The following NODAL variants were observed in gnomAD, a reference collection of about 807,000 sequenced individuals.
NODAL encodes the protein nodal homolog.
NODAL carries 12 observed loss-of-function variants against 34.0 expected under a neutral mutation model. The observed-to-expected ratio is 0.35, with a 90% CI of 0.23 to 0.57. The LOEUF is 0.57. Among genes scored for constraint, NODAL ranks in the 20% least tolerant of loss-of-function variants. NODAL has a pLI of 0.83. For missense variants in NODAL, 390 were observed against 444.2 expected (o/e 0.88, Z 1.10); for synonymous variants, 162 against 186.4 (o/e 0.87, Z 1.07).
chr10:70,440,416 G>C (rs754757678), intron 1 of NODAL, among the ~76,000 whole-genome samples: 1 of 152,330 alleles, frequency 6.6e-6, no homozygotes, highest in East Asian at 1.9e-4. Context: ...CTTCCGGAGA[G>C]GGTCACCGGC....
intron 1 of NODAL, among the ~76,000 whole-genome samples, chr10:70,440,643 C>T (rs1428813506): frequency 6.6e-6 from 1 of 152,226 alleles, no homozygotes; most frequent in African/African-American, 2.4e-5. Context: ...CCGCAGCACC[C>T]ACCTGCTCGC....
At chr10:70,443,464 G>A (rs1006031490), upstream of NODAL, among the ~76,000 whole-genome samples, 9 of 152,108 alleles carry the variant, frequency 5.9e-5, no homozygotes, top group Admixed American at 3.9e-4. Context: ...AAGGCTGGAG[G>A]ATAGCTTGAG....
intron 1 of NODAL, among the ~76,000 whole-genome samples, chr10:70,447,261 A>T (rs1845498273): frequency 6.6e-6 from 1 of 151,924 alleles, no homozygotes; most frequent in South Asian, 2.1e-4. Context: ...TTTAGTAGAG[A>T]TGGGGTTTCA....
At chr10:70,446,521 G>A (rs1449297438), upstream of NODAL, among the ~76,000 whole-genome samples, 1 of 152,072 alleles carries the variant, frequency 6.6e-6, no homozygotes, top group Non-Finnish European at 1.5e-5. Flanking sequence ...TATAGTGCAC[G>A]TAGCATTTAG....
At chr10:70,435,247 G>T (rs1467230460) in intron 2 of NODAL, 39 bp downstream of exon 2, 2 of 1,550,448 alleles carry the variant, frequency 1.3e-6, no homozygotes, top group Non-Finnish European at 1.8e-6. Context: ...CCCAAGGCCA[G>T]CTTACTGCCT....
At chr10:70,447,352 G>T (rs1350128530) in intron 1 of NODAL, among the ~76,000 whole-genome samples, 1 of 152,020 alleles carries the variant, frequency 6.6e-6, no homozygotes, top group African/African-American at 2.4e-5. Context: ...GGGATTACAG[G>T]CATGAGCTAC....
At position 70,441,508 on chromosome 10, in the gene NODAL, T is replaced by C. The variant is rs2132220526; in HGVS notation, c.160A>G (p.Arg54Gly). 1.3e-6 allele frequency: 2 copies of C among 1,594,504 alleles called. No individual in the cohort carries two copies. The highest frequency in any genetic ancestry group is 2.7e-5 in the African/African-American group (2 of 74,660). ...TGTAGGCTGCGGATGATGTCTGCCC[T>C]CGGCAGCGGGTCGCGGTAGAGGCTC... ...MLSLYRDPLP[R>G]ADIIRSLQAE... Residue 54 changes from arginine to glycine, a missense_variant, in exon 1 of 3, where the codon AGG becomes GGG. Physicochemically the swap from Arg to Gly is moderately radical, Grantham distance 125. Transcript: ENST00000287139.
At chr10:70,444,877 G>C (rs543462334), upstream of NODAL, among the ~76,000 whole-genome samples, 1 of 152,276 alleles carries the variant, frequency 6.6e-6, no homozygotes, top group Admixed American at 6.5e-5. Flanking sequence ...CCCCAGCCTA[G>C]AGACTCAGCC....
intron 1 of NODAL, 36 bp from the exon 2 acceptor site, chr10:70,436,019 G>C: frequency 1.9e-6 from 3 of 1,570,388 alleles, no homozygotes; most frequent in Non-Finnish European, 2.6e-6. Flanking sequence ...AGGAGGGTGA[G>C]TGAGGGCCTC....
upstream of NODAL, among the ~76,000 whole-genome samples, chr10:70,443,515 C>T (rs1317955159): frequency 6.6e-6 from 1 of 151,648 alleles, no homozygotes; most frequent in Non-Finnish European, 1.5e-5. Flanking sequence ...TAGCAAGACC[C>T]TCTTTAAAAA....
intron 2 of NODAL, among the ~76,000 whole-genome samples, chr10:70,434,524 G>A (rs540380468): frequency 7.9e-5 from 12 of 152,242 alleles, no homozygotes; most frequent in Admixed American, 7.2e-4. Flanking sequence ...CACAACACCC[G>A]GCTGATTTTT....
intron 2 of NODAL, chr10:70,434,933 A>T: frequency 3.3e-6 from 1 of 306,908 alleles, no homozygotes; most frequent in Non-Finnish European, 6.2e-6. Flanking sequence ...AGTCAAATGC[A>T]GGCCTGCCTG....
chr10:70,444,175 C>A (rs1281599425), upstream of NODAL, among the ~76,000 whole-genome samples: 1 of 152,080 alleles, frequency 6.6e-6, no homozygotes. Context: ...TCAGGCGATC[C>A]ACCCGCCTCA....
chr10:70,436,256 GC>G, intron 1 of NODAL: 2 of 502,528 alleles, frequency 4.0e-6, no homozygotes, highest in South Asian at 2.1e-5. Flanking sequence ...CAACTGCCAA[GC>G]CCAGACTCCG....
upstream of NODAL, among the ~76,000 whole-genome samples, chr10:70,442,578 A>G (rs1845444723): frequency 6.6e-6 from 1 of 152,108 alleles, no homozygotes; most frequent in African/African-American, 2.4e-5. Flanking sequence ...ATGACTTTTA[A>G]AGAAATGTAA....
chr10:70,433,080 C>T lies in NODAL; in HGVS notation c.900G>A (p.Leu300=). 3.7e-6 allele frequency: 6 copies of T among 1,614,012 alleles called. No individual in the cohort carries two copies. The highest frequency in any genetic ancestry group is 5.1e-6 in the Non-Finnish European group (6 of 1,180,032). Reference sequence around the variant, plus strand: ...GGACTCGGTGGGGCTGGTAACGTTTCAGCAGACTCTGTAAAGGAAAGGAAG... The same window carrying T: ...GGACTCGGTGGGGCTGGTAACGTTTTAGCAGACTCTGTAAAGGAAAGGAAG... ...PTNHAYIQSL[L]KRYQPHRVPS... The change falls in exon 3 of 3, where the codon CTG becomes CTA. Residue 300 remains leucine (L), a synonymous_variant. Transcript: ENST00000287139.
intron 1 of NODAL, among the ~76,000 whole-genome samples, chr10:70,438,088 G>A (rs1230503942): frequency 1.3e-5 from 2 of 151,922 alleles, no homozygotes; most frequent in Non-Finnish European, 2.9e-5. Flanking sequence ...TCAGAAGTTC[G>A]AGACCAGCCT....
Position 70,432,869 on chromosome 10 carries a change from T to C in NODAL, c.*67A>G. 1 of 1,579,202 alleles carries C rather than the reference T, an allele frequency of 6.3e-7. No homozygotes were observed. Among genetic ancestry groups the C allele is most frequent in the Non-Finnish European group, 8.7e-7 (1 of 1,149,298 alleles). On this transcript the variant is annotated 3_prime_UTR_variant, in exon 3 of 3. Transcript: ENST00000287139. ...TTCTCCTTACTGGATTAGATGGTTA[T>C]CATGTCTTCCAGGAGTTTCCCAGCC... is the stretch of plus-strand genomic sequence containing the variant.
intron 2 of NODAL, among the ~76,000 whole-genome samples, chr10:70,433,695 G>A (rs1258601175): frequency 2.0e-5 from 3 of 152,166 alleles, no homozygotes; most frequent in Non-Finnish European, 4.4e-5. Flanking sequence ...AATTACATGA[G>A]TGAGCCACCG....
Sources: allele counts gnomAD v4.1 joint callset (sites outside exome capture counted in the v4.1 genomes callset), GRCh38; gene constraint gnomAD v4.1.1; transcripts MANE v1.5; gene names NCBI Gene and HGNC (gene_info 2026-07-23, HGNC 2026-07-21).